PHC2: variants seen among roughly 807,000 people sequenced by gnomAD.
The protein encoded by PHC2 is polyhomeotic-like protein 2.
A neutral mutation model predicts 87.4 loss-of-function variants in PHC2; 29 were observed. That is an observed-to-expected ratio of 0.33 (90% CI 0.25 to 0.45). The LOEUF is 0.45. Ranked by LOEUF, PHC2 falls within the 20% of genes least tolerant of loss-of-function variation. The pLI is 1.00. For synonymous variants in PHC2, 438 were observed against 461.7 expected (o/e 0.95, Z 0.66); for missense variants, 857 against 1,136.7 (o/e 0.75, Z 3.54).
chr1:33,338,980 C>T (rs1255722547), intron 9 of PHC2, among the ~76,000 whole-genome samples: 2 of 152,194 alleles, frequency 1.3e-5, no homozygotes, highest in Non-Finnish European at 2.9e-5. Context: ...GGAGTCTTGC[C>T]TAACATATGT....
chr1:33,387,423 A>G (rs1356118277), intron 1 of PHC2, among the ~76,000 whole-genome samples: 1 of 152,164 alleles, frequency 6.6e-6, no homozygotes, highest in Admixed American at 6.5e-5. Context: ...TTCTAAAGAG[A>G]GACTGCCAGG....
intron 9 of PHC2, among the ~76,000 whole-genome samples, chr1:33,350,632 T>TA (rs1161089603): frequency 2.6e-5 from 4 of 152,232 alleles, no homozygotes; most frequent in Non-Finnish European, 5.9e-5. Context: ...TTCTCTCCAT[T>TA]CTTGACTTCC....
Position 33,349,397 on chromosome 1 carries a change from C to T in PHC2, c.1558+5004G>A. 1.0e-6 allele frequency: 1 copy of T among 985,216 alleles called. No individual in the cohort carries two copies. Among genetic ancestry groups the T allele is most frequent in the South Asian group, 4.7e-5 (1 of 21,288 alleles). The allele number at this position is 985,216 out of a possible 1,614,324, so 61.0% of individuals were successfully genotyped here. ...ACGGCTTCCAGGGGCGACGGGCGCG[C>T]AGGGTCCCCAGGCGAGCGAGGCTGG... On this transcript the variant is annotated intron_variant, in intron 9 of 14. Transcript: ENST00000683057. This position sits in a 1 kb window ranked among gnomAD's most constrained non-coding sequence, Gnocchi z 4.2.
chr1:33,381,637 C>A (rs533821974), intron 1 of PHC2, among the ~76,000 whole-genome samples: 1 of 151,258 alleles, frequency 6.6e-6, no homozygotes, highest in East Asian at 1.9e-4. Flanking sequence ...AAAGCCAGAG[C>A]GCTTCCCATG....
intron 9 of PHC2, among the ~76,000 whole-genome samples, chr1:33,335,540 C>T (rs879633478): frequency 6.6e-6 from 1 of 152,174 alleles, no homozygotes; most frequent in Non-Finnish European, 1.5e-5. Context: ...CATAATACCA[C>T]CACAGAATAG....
intron 9 of PHC2, among the ~76,000 whole-genome samples, chr1:33,350,852 C>T (rs1403314941): frequency 6.6e-6 from 1 of 151,898 alleles, no homozygotes; most frequent in African/African-American, 2.4e-5. Context: ...ATTCATATTT[C>T]CTTCTCCTCT....
At chr1:33,424,117 A>C (rs374048650) in intron 1 of PHC2, among the ~76,000 whole-genome samples, 1 of 148,038 alleles carries the variant, frequency 6.8e-6, no homozygotes, top group Non-Finnish European at 1.5e-5. Context: ...AAAAACAAAA[A>C]AAACAAAAAA....
rs1557827397 is a variant in PHC2, at chr1:33,349,960, G to GGGGCGGGGCGGGGCCGC, written c.1558+4440_1558+4441insGCGGCCCCGCCCCGCCC. 2 of 417,176 alleles carry GGGGCGGGGCGGGGCCGC rather than the reference G, an allele frequency of 4.8e-6. No individual in the cohort carries two copies. Among genetic ancestry groups the GGGGCGGGGCGGGGCCGC allele is most frequent in the Non-Finnish European group, 6.4e-6 (2 of 312,342 alleles). The allele number at this position is 417,176 out of a possible 1,614,324, so 25.8% of individuals were successfully genotyped here. ...CGGGGGCGGGGCGAGGGAGCGGGGC[G>GGGGCGGGGCGGGGCCGC]GGGAGGGGCGGGGCCGCGGGAGGGG... On this transcript the variant is annotated intron_variant, in intron 9 of 14. Coordinates refer to ENST00000683057, the MANE Select transcript of PHC2 (RefSeq NM_001385109.1). This position sits in a 1 kb window ranked among gnomAD's most constrained non-coding sequence, Gnocchi z 4.2.
intron 1 of PHC2, among the ~76,000 whole-genome samples, chr1:33,387,559 T>C (rs1648827963): frequency 6.6e-6 from 1 of 152,230 alleles, no homozygotes; most frequent in South Asian, 2.1e-4. Context: ...CATTTATTGC[T>C]TGCTCAGGGA....
In PHC2 at chr1:33,329,047, G is replaced by A. The variant is rs767307502; in HGVS notation, c.2248C>T (p.Pro750Ser). The change falls in exon 14 of 15, where the codon CCC (proline) becomes TCC (serine). Residue 750 changes from proline (P) to serine (S), a missense_variant. This residue lies in a region of PHC2 where 832 missense variants were observed against 1,081.8 expected (regional missense o/e 0.77). Transcript: ENST00000683057. ...GAGCTGGCTGAGATGGGTGACAAGG[G>A]TTCCTCATAGCTTGAGTTATCTGAG... Reference protein sequence around the residue: ...RCSDNSSYEEPLSPISASSST... With the variant: ...RCSDNSSYEESLSPISASSST... The A allele has an allele frequency of 6.2e-7, 1 of 1,614,188 alleles. No homozygotes were observed. The highest frequency in any genetic ancestry group is 8.5e-7 in the Non-Finnish European group (1 of 1,180,038).
chr1:33,350,460 T>C (rs1646949365), intron 9 of PHC2: 1 of 152,262 alleles, frequency 6.6e-6, no homozygotes, highest in Non-Finnish European at 1.5e-5. Context: ...AAGTGTTGGT[T>C]ATCTTCCCCA....
intron 1 of PHC2, among the ~76,000 whole-genome samples, chr1:33,380,149 TC>T (rs1420685596): frequency 1.3e-5 from 2 of 152,234 alleles, no homozygotes; most frequent in African/African-American, 4.8e-5. Context: ...CTGCTCTCTC[TC>T]TCAATCACTT....
intron 14 of PHC2, among the ~76,000 whole-genome samples, chr1:33,326,830 T>G (rs1048618191): frequency 2.6e-5 from 4 of 152,108 alleles, no homozygotes; most frequent in Non-Finnish European, 5.9e-5. Flanking sequence ...CGAATGTCTG[T>G]AATCCCAGCT....
chr1:33,360,294 T>C (rs1390615985), intron 7 of PHC2, among the ~76,000 whole-genome samples: 1 of 152,258 alleles, frequency 6.6e-6, no homozygotes, highest in Non-Finnish European at 1.5e-5. Context: ...AAATACTTGC[T>C]GTGTACAGGA....
chr1:33,388,521 C>T lies in PHC2; in HGVS notation c.-54-12928G>A, dbSNP rs142088215. Among the ~76,000 whole-genome samples, 445 of 152,144 alleles carry T rather than the reference C, an allele frequency of 2.9e-3. 1 individual carries two copies. The highest frequency in any genetic ancestry group is 9.9e-3 in the African/African-American group (409 of 41,480). On this transcript the variant is annotated intron_variant, in intron 1 of 14. Coordinates refer to ENST00000683057, the MANE Select transcript of PHC2 (RefSeq NM_001385109.1). Reference sequence around the variant, plus strand: ...TGTATTTTTAGTAGAGACAGGGTTTCACCATGTTGGTCAGGCTGGTCTCGA... The same window carrying T: ...TGTATTTTTAGTAGAGACAGGGTTTTACCATGTTGGTCAGGCTGGTCTCGA...
intron 2 of PHC2, 100 bp from the exon 3 acceptor site, chr1:33,372,547 C>A: frequency 9.6e-7 from 1 of 1,046,778 alleles, no homozygotes; most frequent in South Asian, 2.4e-5. Context: ...TATAACTGCT[C>A]GGGAGACACC....
rs781238901 is a variant in PHC2 at position 33,330,063 on chromosome 1, C to T, written c.2148+8G>A. On this transcript the variant is annotated splice_region_variant and intron_variant, in intron 13 of 14. Coordinates refer to ENST00000683057, the MANE Select transcript of PHC2 (RefSeq NM_001385109.1). ...GGGATGGAGCTTCAGGCTCTGCCCG[C>T]CTCTTACCTGCTTCTTGGTATCCTT... The T allele has an allele frequency of 3.1e-6, 5 of 1,612,866 alleles. No homozygotes were observed. The East Asian group carries it at 1.1e-4, about 36-fold the overall frequency.
chr1:33,351,679 G>A (rs141431884), intron 9 of PHC2, among the ~76,000 whole-genome samples: 6 of 152,256 alleles, frequency 3.9e-5, no homozygotes, highest in East Asian at 1.9e-4. Flanking sequence ...TGGGCCGGGC[G>A]CAGTGGCTCA....
intron 9 of PHC2, among the ~76,000 whole-genome samples, chr1:33,348,071 T>G (rs1183311078): frequency 6.6e-6 from 1 of 152,246 alleles, no homozygotes; most frequent in East Asian, 1.9e-4. Context: ...TAAAAGTATG[T>G]TAAATCTAAC....
Sources: gnomAD v4.1 joint callset for allele counts (sites outside exome capture counted in the v4.1 genomes callset) on GRCh38, gnomAD v4.1.1 for gene constraint, gnomAD v4.1.1 regional missense constraint, Gnocchi (gnomAD v3.1) non-coding constraint, MANE v1.5 for transcripts, NCBI Gene and HGNC (gene_info 2026-07-23, HGNC 2026-07-21) for gene names.